The following PABPC4L variants were observed in gnomAD, a reference collection of about 807,000 sequenced individuals.
PABPC4L encodes poly(A) binding protein cytoplasmic 4 like, also known as polyadenylate-binding protein 4-like.
For synonymous variants in PABPC4L, 169 were observed against 164.1 expected (o/e 1.03, Z -0.23); for missense variants, 452 against 451.4 (o/e 1.00, Z -0.01).
At chr4:134,120,574 C>T in the PABPC4L span, among the ~76,000 whole-genome samples, 687 of 150,812 alleles carry the variant, frequency 4.6e-3, 9 homozygotes, top group African/African-American at 0.016. Flanking sequence ...TTGTTTGAAA[C>T]GTCTTTATTA....
the PABPC4L span, among the ~76,000 whole-genome samples, chr4:134,144,221 C>T: frequency 6.6e-6 from 1 of 151,462 alleles, no homozygotes; most frequent in Non-Finnish European, 1.5e-5. Flanking sequence ...CACAAGCTAG[C>T]AATACCTTTG....
the PABPC4L span, among the ~76,000 whole-genome samples, chr4:134,114,030 T>C: frequency 1.3e-5 from 2 of 151,864 alleles, no homozygotes; most frequent in East Asian, 1.9e-4. Context: ...TGGAAATACT[T>C]TGGAGGACAG....
At chr4:134,114,884 T>A in the PABPC4L span, among the ~76,000 whole-genome samples, 1,278 of 152,034 alleles carry the variant, frequency 8.4e-3, 19 homozygotes, top group African/African-American at 0.029. Flanking sequence ...ATAATATCCA[T>A]CCTTTTGTTA....
At chr4:133,983,692 T>C in the PABPC4L span, among the ~76,000 whole-genome samples, 1 of 151,866 alleles carries the variant, frequency 6.6e-6, no homozygotes, top group Non-Finnish European at 1.5e-5. Flanking sequence ...TATAATTCTA[T>C]AAACTTGGAA....
chr4:134,162,434 A>G, the PABPC4L span, among the ~76,000 whole-genome samples: 2 of 152,160 alleles, frequency 1.3e-5, no homozygotes, highest in Admixed American at 1.3e-4. Context: ...TCAACACTCC[A>G]CTGACAGCAG....
the PABPC4L span, among the ~76,000 whole-genome samples, chr4:134,007,579 C>G: frequency 6.6e-6 from 1 of 151,480 alleles, no homozygotes; most frequent in Admixed American, 6.6e-5. Context: ...GTTAAATAGC[C>G]TTCTCAATAT....
At chr4:133,951,182 C>T in the PABPC4L span, among the ~76,000 whole-genome samples, 1 of 152,182 alleles carries the variant, frequency 6.6e-6, no homozygotes, top group Non-Finnish European at 1.5e-5. Context: ...GACTCATCCA[C>T]AAGCAGCCTT....
the PABPC4L span, among the ~76,000 whole-genome samples, chr4:134,162,332 T>C: frequency 6.6e-6 from 1 of 152,114 alleles, no homozygotes; most frequent in South Asian, 2.1e-4. Context: ...TAAATATATA[T>C]GCACCTAACT....
chr4:134,040,154 T>G, the PABPC4L span, among the ~76,000 whole-genome samples: 1 of 149,396 alleles, frequency 6.7e-6, no homozygotes, highest in Non-Finnish European at 1.5e-5. Flanking sequence ...AAGTAATTTA[T>G]AGATTCAATG....
chr4:134,084,123 G>A, the PABPC4L span, among the ~76,000 whole-genome samples: 12 of 151,998 alleles, frequency 7.9e-5, no homozygotes, highest in African/African-American at 2.7e-4. Context: ...ATCAGAGCTC[G>A]CTGTAGCCTC....
chr4:134,046,010 C>G, the PABPC4L span, among the ~76,000 whole-genome samples: 1 of 152,094 alleles, frequency 6.6e-6, no homozygotes, highest in Non-Finnish European at 1.5e-5. Flanking sequence ...CACCTCCACA[C>G]CTGTGAGTAT....
At chr4:134,157,063 G>A in the PABPC4L span, among the ~76,000 whole-genome samples, 1 of 151,588 alleles carries the variant, frequency 6.6e-6, no homozygotes, top group African/African-American at 2.4e-5. Context: ...GCTGTCAAAT[G>A]TTCTCTGATT....
the PABPC4L span, among the ~76,000 whole-genome samples, chr4:134,032,611 G>A: frequency 6.6e-6 from 1 of 151,772 alleles, no homozygotes; most frequent in Non-Finnish European, 1.5e-5. Context: ...GAAATTAAAA[G>A]AAGTAAGCAA....
chr4:134,100,089 T>A, the PABPC4L span, among the ~76,000 whole-genome samples: 1 of 151,646 alleles, frequency 6.6e-6, no homozygotes, highest in African/African-American at 2.4e-5. Flanking sequence ...ACTCGCTCCT[T>A]TCCCATTCTT....
chr4:134,073,745 T>A, the PABPC4L span, among the ~76,000 whole-genome samples: 7 of 152,200 alleles, frequency 4.6e-5, no homozygotes, highest in African/African-American at 1.7e-4. Context: ...CAAATCTAAA[T>A]TCTTCACTTC....
the PABPC4L span, among the ~76,000 whole-genome samples, chr4:133,999,169 C>T: frequency 6.6e-6 from 1 of 152,034 alleles, no homozygotes; most frequent in Admixed American, 6.6e-5. Context: ...CAACAGGTTT[C>T]CCTGTTTCTT....
chr4:134,000,265 A>G, the PABPC4L span, among the ~76,000 whole-genome samples: 2 of 152,198 alleles, frequency 1.3e-5, no homozygotes, highest in Non-Finnish European at 2.9e-5. Context: ...CATGAACATT[A>G]GATGACAAAA....
At chr4:134,122,283 G>T in the PABPC4L span, among the ~76,000 whole-genome samples, 1 of 151,586 alleles carries the variant, frequency 6.6e-6, no homozygotes, top group Non-Finnish European at 1.5e-5. Flanking sequence ...TGACTGTATT[G>T]CCTCACAGAA....
chr4:134,148,314 A>C, the PABPC4L span, among the ~76,000 whole-genome samples: 13 of 152,070 alleles, frequency 8.5e-5, no homozygotes, highest in Admixed American at 3.3e-4. Flanking sequence ...ATATCCCTTA[A>C]TGTTATTTAT....
Sources: gnomAD v4.1 joint callset for allele counts (sites outside exome capture counted in the v4.1 genomes callset) on GRCh38, gnomAD v4.1.1 for gene constraint, MANE v1.5 for transcripts, NCBI Gene and HGNC (gene_info 2026-07-23, HGNC 2026-07-21) for gene names.